Variants in SLC25A16 observed in about 807,000 individuals in gnomAD.
SLC25A16 encodes mitochondrial coenzyme A transporter SLC25A16.
SLC25A16 carries 39 observed loss-of-function variants against 41.5 expected under a neutral mutation model. That is an observed-to-expected ratio of 0.94 (90% CI 0.73 to 1.23). The LOEUF (loss-of-function observed/expected upper bound fraction) is 1.23. Ranked by LOEUF, SLC25A16 falls within the 50% of genes most tolerant of loss-of-function variation. SLC25A16 has a pLI of 0.00. For missense variants in SLC25A16, 421 were observed against 426.9 expected (o/e 0.99, Z 0.12); for synonymous variants, 146 against 147.8 (o/e 0.99, Z 0.09).
chr10:68,527,444 ACAGG>A lies in SLC25A16; in HGVS notation c.-73_-70del. 1 of 1,374,148 alleles carries A rather than the reference ACAGG, an allele frequency of 7.3e-7. No homozygotes were observed. Among genetic ancestry groups the A allele is most frequent in the East Asian group, 3.0e-5 (1 of 33,810 alleles). 85.1% of individuals were successfully genotyped at this position (1,374,148 alleles called of 1,614,324 possible). On this transcript the variant is annotated 5_prime_UTR_variant, in exon 1 of 9. Transcript: ENST00000609923. ...AACACCGGACGGGACCATAGCCGGAACAGGCGGTGACAGGAGGCTGACCGCCCCG... is the reference window on the plus strand; with the variant it reads ...AACACCGGACGGGACCATAGCCGGAACGGTGACAGGAGGCTGACCGCCCCG...
chr10:68,524,503 T>G (rs1028035427), intron 1 of SLC25A16, among the ~76,000 whole-genome samples: 1 of 151,332 alleles, frequency 6.6e-6, no homozygotes, highest in African/African-American at 2.4e-5. Context: ...ATGGCACTAA[T>G]GCACTCCAGC....
At chr10:68,490,593 C>T (rs553572582) in intron 6 of SLC25A16, among the ~76,000 whole-genome samples, 4 of 151,962 alleles carry the variant, frequency 2.6e-5, no homozygotes, top group East Asian at 1.9e-4. Context: ...CACTCCCCCT[C>T]GGCCTCCCAA....
chr10:68,484,330 C>G (rs1246628858), intron 8 of SLC25A16, among the ~76,000 whole-genome samples: 2 of 152,054 alleles, frequency 1.3e-5, no homozygotes, highest in Non-Finnish European at 2.9e-5. Context: ...GAACACTTTC[C>G]TGTTTCAGAG....
chr10:68,504,439 TTTG>T (rs1337452665), intron 3 of SLC25A16, among the ~76,000 whole-genome samples: 2 of 138,780 alleles, frequency 1.4e-5, no homozygotes, highest in Admixed American at 7.8e-5. Context: ...TTGTGTTTTT[TTTG>T]TTTTTTTTTT....
At chr10:68,508,090 G>A (rs1590114693) in intron 2 of SLC25A16, among the ~76,000 whole-genome samples, 2 of 152,024 alleles carry the variant, frequency 1.3e-5, no homozygotes, top group Admixed American at 1.3e-4. Context: ...AATTAGGCAG[G>A]CATGGTGTCG....
chr10:68,506,727 A>T lies in SLC25A16; in HGVS notation c.224-9T>A. On this transcript the variant is annotated splice_polypyrimidine_tract_variant and intron_variant, in intron 2 of 8. Transcript: ENST00000609923. ...CAATGCAGAAAATACTCCTATTTTT[A>T]GAGGAAAAATGCTGTTAAAACAGAG... 6.4e-7 allele frequency: 1 copy of T among 1,551,286 alleles called. No homozygotes were observed. Among genetic ancestry groups the T allele is most frequent in the South Asian group, 1.2e-5 (1 of 82,344 alleles).
chr10:68,485,290 C>T (rs2052540370), intron 8 of SLC25A16, among the ~76,000 whole-genome samples: 1 of 152,150 alleles, frequency 6.6e-6, no homozygotes. Flanking sequence ...TGGGGTTTCA[C>T]CATGTTGACC....
intron 6 of SLC25A16, among the ~76,000 whole-genome samples, chr10:68,489,895 G>T (rs753717788): frequency 4.9e-5 from 6 of 121,338 alleles, no homozygotes; most frequent in Non-Finnish European, 9.9e-5. Flanking sequence ...GCGAGACTCT[G>T]TCTCAAAAAA....
At chr10:68,526,067 G>A (rs923797040) in intron 1 of SLC25A16, among the ~76,000 whole-genome samples, 17 of 152,006 alleles carry the variant, frequency 1.1e-4, no homozygotes, top group East Asian at 1.9e-4. Flanking sequence ...AGACCTGAAC[G>A]TCCCCCAGCC....
chr10:68,527,325 G>C lies in SLC25A16; in HGVS notation c.51C>G (p.Pro17=). 1.3e-6 allele frequency: 2 copies of C among 1,540,098 alleles called. No homozygotes were observed. The highest frequency in any genetic ancestry group is 1.7e-6 in the Non-Finnish European group (2 of 1,143,318). ...AAALAAADPP[P]AMPQAAGAGG... ...CGGCCCCTGCCGCCTGCGGCATTGC[G>C]GGAGGGGGATCGGCCGCCGCCAGGG... The change falls in exon 1 of 9, where the codon CCC becomes CCG. Residue 17 remains proline, a synonymous_variant. Transcript: ENST00000609923.
chr10:68,520,022 C>G (rs556138337), intron 1 of SLC25A16, among the ~76,000 whole-genome samples: 1 of 146,432 alleles, frequency 6.8e-6, no homozygotes, highest in Admixed American at 6.9e-5. Flanking sequence ...GCGATCTCGG[C>G]TCACTACAAC....
At chr10:68,500,807 CG>C (rs1564917402) in intron 4 of SLC25A16, among the ~76,000 whole-genome samples, 2 of 150,292 alleles carry the variant, frequency 1.3e-5, no homozygotes, top group Non-Finnish European at 3.0e-5. Flanking sequence ...GGCACGTGCC[CG>C]TAATCCCAGC....
intron 4 of SLC25A16, among the ~76,000 whole-genome samples, chr10:68,500,400 C>G (rs971533654): frequency 3.9e-5 from 6 of 152,048 alleles, no homozygotes; most frequent in Admixed American, 6.6e-5. Context: ...CTCCACCTCC[C>G]AGGTTCAAGC....
chr10:68,523,619 C>T (rs1368761789), intron 1 of SLC25A16, among the ~76,000 whole-genome samples: 3 of 151,994 alleles, frequency 2.0e-5, no homozygotes, highest in Non-Finnish European at 2.9e-5. Flanking sequence ...ACTACAGGTG[C>T]GTGCCACCAA....
chr10:68,508,782 T>A lies in SLC25A16; in HGVS notation c.224-2064A>T, dbSNP rs12246886. Among the ~76,000 whole-genome samples, 545 of 152,226 alleles carry A rather than the reference T, an allele frequency of 3.6e-3. 4 individuals are homozygous for A. Among genetic ancestry groups the A allele is most frequent in the African/African-American group, 0.013 (521 of 41,548 alleles). On this transcript the variant is annotated intron_variant, in intron 2 of 8. Transcript: ENST00000609923. Reference sequence around the variant, plus strand: ...AAGCGGACACAAAGGTTAAGCCCTGTTTAATTTGATCCAAAAGTGTTTGTA... The same window carrying A: ...AAGCGGACACAAAGGTTAAGCCCTGATTAATTTGATCCAAAAGTGTTTGTA...
At chr10:68,493,367 A>G (rs2052694223) in intron 5 of SLC25A16, 82 bp downstream of exon 5, 2 of 1,263,780 alleles carry the variant, frequency 1.6e-6, no homozygotes, top group Non-Finnish European at 2.3e-6. Context: ...TAAGTAAAAG[A>G]ATAATTACTT....
Position 68,527,275 on chromosome 10 carries a change from A to C in SLC25A16, c.101T>G (p.Phe34Cys), listed in dbSNP as rs2053352445. ...GAGGPTTRRD[F>C]YWLRSFLAGG... ...GGCCAGAAAGGAGCGCAGCCAGTAG[A>C]AGTCTCTGCGGGTTGTGGGCCCTCC... The change falls in exon 1 of 9, where the codon TTC (phenylalanine) becomes TGC (cysteine). Residue 34 changes from phenylalanine (F) to cysteine (C), a missense_variant. Coordinates refer to ENST00000609923, the MANE Select transcript of SLC25A16 (RefSeq NM_152707.4). The C allele has an allele frequency of 7.8e-6, 12 of 1,548,336 alleles. No individual in the cohort carries two copies. In the East Asian group the frequency reaches 3.0e-4, roughly 38 times the overall value.
intron 1 of SLC25A16, chr10:68,518,034 G>C (rs1415315859): frequency 1.3e-5 from 2 of 152,102 alleles, no homozygotes; most frequent in Non-Finnish European, 2.9e-5. Flanking sequence ...TAAGGCTGGA[G>C]GATGACGTGA....
intron 4 of SLC25A16, among the ~76,000 whole-genome samples, chr10:68,497,577 T>C (rs1488791321): frequency 6.6e-6 from 1 of 151,930 alleles, no homozygotes; most frequent in Non-Finnish European, 1.5e-5. Flanking sequence ...AGAATAACTG[T>C]ATGTCTTTTT....
Sources: gnomAD v4.1 joint callset for allele counts (sites outside exome capture counted in the v4.1 genomes callset) on GRCh38, gnomAD v4.1.1 for gene constraint, MANE v1.5 for transcripts, NCBI Gene and HGNC (gene_info 2026-07-23, HGNC 2026-07-21) for gene names.